Variants in ACSS3 observed in about 807,000 individuals in gnomAD.
ACSS3 encodes acyl-CoA synthetase short-chain family member 3, mitochondrial.
A neutral mutation model predicts 84.2 loss-of-function variants in ACSS3; 64 were observed. The observed-to-expected ratio is 0.76, with a 90% CI of 0.62 to 0.94. ACSS3 has a LOEUF of 0.94. Ranked by LOEUF, ACSS3 falls within the 40% of genes least tolerant of loss-of-function variation. ACSS3 has a pLI of 0.00. For missense variants in ACSS3, 815 were observed against 867.6 expected (o/e 0.94, Z 0.76); for synonymous variants, 317 against 310.1 (o/e 1.02, Z -0.23).
chr12:81,082,488 G>A (rs963087645), intron 1 of ACSS3, among the ~76,000 whole-genome samples: 10 of 152,106 alleles, frequency 6.6e-5, no homozygotes, highest in Non-Finnish European at 1.0e-4. Context: ...GTGAGAAGTG[G>A]GGAGGAACAT....
chr12:81,255,149 T>C lies in ACSS3; in HGVS notation c.*227T>C, dbSNP rs886485021. ...TATTAGTTATCTATAACATGGCTTA[T>C]TGAATGTCATCTACTGCTTTAGGAA... On this transcript the variant is annotated 3_prime_UTR_variant, in exon 16 of 16. Transcript: ENST00000548058. 3 of 384,014 alleles carry C rather than the reference T, an allele frequency of 7.8e-6. No homozygotes were observed. The highest frequency in any genetic ancestry group is 2.1e-5 in the African/African-American group (1 of 47,768). 23.8% of individuals were successfully genotyped at this position (384,014 alleles called of 1,614,324 possible).
At chr12:81,179,310 A>AC (rs76577970) in intron 8 of ACSS3, among the ~76,000 whole-genome samples, 3,421 of 55,948 alleles carry the variant, frequency 0.061, 86 homozygotes, top group South Asian at 0.21. Flanking sequence ...AAAAAAACAC[A>AC]AAAAAAACCC....
intron 10 of ACSS3, among the ~76,000 whole-genome samples, chr12:81,218,337 T>C (rs2032994298): frequency 6.6e-6 from 1 of 152,186 alleles, no homozygotes; most frequent in African/African-American, 2.4e-5. Context: ...AAACCTAGCT[T>C]TGGGAGACAA....
rs1007708567 is a variant in ACSS3, at chr12:81,260,820, C to T, written c.*5898C>T. 3 of 152,008 alleles carry T rather than the reference C, an allele frequency of 2.0e-5. No individual in the cohort carries two copies. The highest frequency in any genetic ancestry group is 2.9e-5 in the Non-Finnish European group (2 of 68,016). 9.4% of individuals were successfully genotyped at this position (152,008 alleles called of 1,614,324 possible). A position where few individuals can be genotyped will look rare whatever the true frequency, so the allele number is the denominator to read the frequency against. On this transcript the variant is annotated 3_prime_UTR_variant, in exon 16 of 16. Coordinates refer to ENST00000548058, the MANE Select transcript of ACSS3 (RefSeq NM_024560.4). Reference sequence around the variant, plus strand: ...TGTGCACACATTTTGTTCTAAATATCGCTCTTAAAAAGTATTTTTCTAAAA... The same window carrying T: ...TGTGCACACATTTTGTTCTAAATATTGCTCTTAAAAAGTATTTTTCTAAAA...
intron 8 of ACSS3, among the ~76,000 whole-genome samples, chr12:81,194,278 A>C (rs1053934011): frequency 2.0e-5 from 3 of 151,788 alleles, no homozygotes; most frequent in African/African-American, 7.2e-5. Context: ...ATGATATTAT[A>C]TTGTTTCATT....
chr12:81,152,053 G>A lies in ACSS3; in HGVS notation c.1055G>A (p.Cys352Tyr), dbSNP rs1483891113. ...TGGGTTGTTGGACATTCCTATATCT[G>A]CTATGGACCTCTTCTTCATGGGAAC... ...LGWVVGHSYI[C>Y]YGPLLHGNTT... Residue 352 changes from cysteine to tyrosine, a missense_variant, in exon 7 of 16, where the codon TGC becomes TAC. By Grantham distance (194) the Cys-to-Tyr change is radical. Coordinates refer to ENST00000548058, the MANE Select transcript of ACSS3 (RefSeq NM_024560.4). 3.7e-6 allele frequency: 6 copies of A among 1,613,330 alleles called. No homozygotes were observed. Among genetic ancestry groups the A allele is most frequent in the Non-Finnish European group, 5.1e-6 (6 of 1,179,716 alleles).
At position 81,256,727 on chromosome 12, in the gene ACSS3, A is replaced by C. The variant is rs2136027429; in HGVS notation, c.*1805A>C. On this transcript the variant is annotated 3_prime_UTR_variant, in exon 16 of 16. Coordinates refer to ENST00000548058, the MANE Select transcript of ACSS3 (RefSeq NM_024560.4). ...GAAAATGTTGACTTTTTTTGGACTG[A>C]AGACTGCAAAATAAATGGCTTCTCA... 1 of 152,282 alleles carries C rather than the reference A, an allele frequency of 6.6e-6. No homozygotes were observed. Among genetic ancestry groups the C allele is most frequent in the Middle Eastern group, 3.4e-3 (1 of 294 alleles). The allele number at this position is 152,282 out of a possible 1,614,324, so 9.4% of individuals were successfully genotyped here.
chr12:81,175,480 A>G (rs143429051), intron 8 of ACSS3, among the ~76,000 whole-genome samples: 3 of 152,282 alleles, frequency 2.0e-5, no homozygotes, highest in African/African-American at 7.2e-5. Context: ...ACTAACAAAG[A>G]TATTTGGGAC....
intron 8 of ACSS3, among the ~76,000 whole-genome samples, chr12:81,185,301 C>G (rs1174791485): frequency 6.6e-6 from 1 of 151,646 alleles, no homozygotes; most frequent in Non-Finnish European, 1.5e-5. Flanking sequence ...GCAAGGATGC[C>G]TACTCATGCC....
intron 13 of ACSS3, among the ~76,000 whole-genome samples, chr12:81,245,282 A>ACC (rs2033946630): frequency 2.0e-5 from 3 of 152,146 alleles, no homozygotes; most frequent in Non-Finnish European, 2.9e-5. Flanking sequence ...TAACACAGTG[A>ACC]AACCCCGTCT....
chr12:81,089,963 C>T (rs948925169), intron 1 of ACSS3, among the ~76,000 whole-genome samples: 13 of 152,080 alleles, frequency 8.5e-5, no homozygotes, highest in African/African-American at 3.1e-4. Flanking sequence ...CACTGTAGAG[C>T]CTAATTTCAG....
intron 1 of ACSS3, among the ~76,000 whole-genome samples, chr12:81,089,076 A>G (rs1292859554): frequency 6.6e-6 from 1 of 151,946 alleles, no homozygotes; most frequent in Non-Finnish European, 1.5e-5. Flanking sequence ...TGGCTTAAGG[A>G]AAATCTATAA....
intron 11 of ACSS3, among the ~76,000 whole-genome samples, chr12:81,226,823 T>C (rs2033288929): frequency 6.6e-6 from 1 of 151,864 alleles, no homozygotes; most frequent in African/African-American, 2.4e-5. Flanking sequence ...TGTTATCCAA[T>C]TCATCACACC....
intron 9 of ACSS3, 79 bp from the exon 10 acceptor site, chr12:81,216,822 G>A (rs2032933670): frequency 2.6e-6 from 3 of 1,143,736 alleles, no homozygotes; most frequent in Non-Finnish European, 3.9e-6. Flanking sequence ...ACTAGGGTGG[G>A]GTAGAGTGTG....
At chr12:81,127,738 G>A (rs78656513) in intron 2 of ACSS3, among the ~76,000 whole-genome samples, 3,562 of 152,176 alleles carry the variant, frequency 0.023, 82 homozygotes, top group South Asian at 0.11. Flanking sequence ...TGGTTTTGAA[G>A]TTGCCCATGA....
intron 3 of ACSS3, among the ~76,000 whole-genome samples, chr12:81,138,746 C>A (rs1382644714): frequency 1.3e-5 from 2 of 152,020 alleles, no homozygotes; most frequent in African/African-American, 4.8e-5. Context: ...TATAGAAAAC[C>A]TATGAAATGC....
At chr12:81,175,002 A>T in intron 8 of ACSS3, 63 bp downstream of exon 8, 1 of 1,552,152 alleles carries the variant, frequency 6.4e-7, no homozygotes, top group East Asian at 2.3e-5. Flanking sequence ...ATAAGTGAAC[A>T]TTATTTTTTT....
chr12:81,081,626 A>G (rs907845445), intron 1 of ACSS3, among the ~76,000 whole-genome samples: 1 of 152,144 alleles, frequency 6.6e-6, no homozygotes, highest in African/African-American at 2.4e-5. Flanking sequence ...TTTCTATTAT[A>G]TATTGTGGTT....
chr12:81,091,152 A>G (rs952265563), intron 1 of ACSS3, among the ~76,000 whole-genome samples: 1 of 151,996 alleles, frequency 6.6e-6, no homozygotes, highest in Non-Finnish European at 1.5e-5. Context: ...GACTGTTCCT[A>G]TATGAGAATG....
Sources: gnomAD v4.1 joint callset for allele counts (sites outside exome capture counted in the v4.1 genomes callset) on GRCh38, gnomAD v4.1.1 for gene constraint, MANE v1.5 for transcripts, NCBI Gene and HGNC (gene_info 2026-07-23, HGNC 2026-07-21) for gene names.